NDUFAF7: variants seen among roughly 807,000 people sequenced by gnomAD.
NDUFAF7 encodes NADH:ubiquinone oxidoreductase complex assembly factor 7.
In NDUFAF7, 48 loss-of-function variants were observed where a neutral mutation model predicts 47.2. The observed-to-expected ratio is 1.02, with a 90% CI of 0.81 to 1.29. The LOEUF is 1.29. NDUFAF7 is among the 50% of genes most tolerant of loss of function. NDUFAF7 has a pLI of 0.00. For missense variants in NDUFAF7, 635 were observed against 537.6 expected, an observed-to-expected ratio of 1.18 and a Z score of -1.79; for synonymous variants, 217 against 190.0, an observed-to-expected ratio of 1.14 and a Z score of -1.17.
chr2:37,237,025 T>C (rs1338670893), intron 3 of NDUFAF7, among the ~76,000 whole-genome samples: 1 of 152,090 alleles, frequency 6.6e-6, no homozygotes, highest in East Asian at 1.9e-4. Context: ...GGCTGGAGTG[T>C]AGTGGCGCAA....
downstream of NDUFAF7, chr2:37,254,197 T>A: frequency 6.3e-7 from 1 of 1,598,538 alleles, no homozygotes. Context: ...ATTACATTTT[T>A]TTTTACCTGT....
chr2:37,254,335 G>T (rs1394287362), downstream of NDUFAF7: 7 of 1,473,446 alleles, frequency 4.8e-6, no homozygotes, highest in Non-Finnish European at 4.8e-6. Context: ...GGTGCACAGA[G>T]TACCCCAAAC....
At chr2:37,235,994 A>C in intron 2 of NDUFAF7, 102 bp from the exon 3 acceptor site, 1 of 1,048,174 alleles carries the variant, frequency 9.5e-7, no homozygotes, top group Non-Finnish European at 1.5e-6. Context: ...TTTCTTACTA[A>C]ATAATTATTT....
chr2:37,262,763 C>T, the NDUFAF7 span, among the ~76,000 whole-genome samples: 2 of 152,162 alleles, frequency 1.3e-5, no homozygotes, highest in African/African-American at 4.8e-5. Context: ...TTAACAACTT[C>T]CTCTATTGGT....
At chr2:37,263,202 C>T in the NDUFAF7 span, among the ~76,000 whole-genome samples, 8 of 152,182 alleles carry the variant, frequency 5.3e-5, no homozygotes, top group Non-Finnish European at 7.4e-5. Flanking sequence ...AGTACAAAGG[C>T]GCTGATATAT....
At chr2:37,261,153 C>G in the NDUFAF7 span, among the ~76,000 whole-genome samples, 1 of 152,176 alleles carries the variant, frequency 6.6e-6, no homozygotes, top group Admixed American at 6.5e-5. Flanking sequence ...ATATGTTCTA[C>G]TGAATGAACC....
At chr2:37,254,937 A>G (rs987247164), downstream of NDUFAF7, among the ~76,000 whole-genome samples, 11 of 152,244 alleles carry the variant, frequency 7.2e-5, no homozygotes, top group Non-Finnish European at 1.3e-4. Flanking sequence ...AGAATGATCA[A>G]TTGCAAAACC....
At chr2:37,259,052 G>GGAA in the NDUFAF7 span, among the ~76,000 whole-genome samples, 17,360 of 148,668 alleles carry the variant, frequency 0.12, 1,377 homozygotes, top group East Asian at 0.34. Context: ...TGAACACTTG[G>GGAA]AAAAAAAAAA....
chr2:37,269,472 G>C, the NDUFAF7 span: 1 of 676,444 alleles, frequency 1.5e-6, no homozygotes. Flanking sequence ...CAGTGAGAAG[G>C]ATTTAGCTGA....
Position 37,236,155 on chromosome 2 carries a change from A to T in NDUFAF7, c.276A>T (p.Glu92Asp), listed in dbSNP as rs546961277. The T allele has an allele frequency of 6.2e-6, 10 of 1,611,712 alleles. No homozygotes were observed. The East Asian group carries it at 2.0e-4, about 32-fold the overall frequency. The change falls in exon 3 of 10, where the codon GAA becomes GAT. Residue 92 changes from glutamate to aspartate, a missense_variant. Coordinates refer to ENST00000002125, the MANE Select transcript of NDUFAF7 (RefSeq NM_144736.5). ...AAGGAGATTTCATTACTTCACCTGAAATAAGTCAAATCTTTGGGGAGGTAA... is the reference window on the plus strand; with the variant it reads ...AAGGAGATTTCATTACTTCACCTGATATAAGTCAAATCTTTGGGGAGGTAA... ...GEKGDFITSP[E>D]ISQIFGELLG... is the part of the protein sequence containing the mutation.
At chr2:37,249,631 G>C (rs1473698608), downstream of NDUFAF7, among the ~76,000 whole-genome samples, 2 of 97,516 alleles carry the variant, frequency 2.1e-5, no homozygotes, top group African/African-American at 9.0e-5. Flanking sequence ...TTGCACTGTA[G>C]CCTGTGATAG....
downstream of NDUFAF7, chr2:37,253,496 A>G (rs1346236601): frequency 5.5e-6 from 3 of 541,204 alleles, no homozygotes; most frequent in Non-Finnish European, 9.1e-6. Context: ...CTATGTACTA[A>G]GTTCTACTTG....
chr2:37,247,160 A>G (rs1271300016), intron 8 of NDUFAF7, among the ~76,000 whole-genome samples: 1 of 152,170 alleles, frequency 6.6e-6, no homozygotes, highest in East Asian at 1.9e-4. Flanking sequence ...TTGTCCCTGC[A>G]TTAATTCACT....
At chr2:37,243,285 T>C (rs1399992473) in intron 6 of NDUFAF7, among the ~76,000 whole-genome samples, 1 of 152,154 alleles carries the variant, frequency 6.6e-6, no homozygotes, top group East Asian at 1.9e-4. Flanking sequence ...ACCCTGTGTC[T>C]ACTAAAAATA....
chr2:37,270,173 G>C, the NDUFAF7 span, among the ~76,000 whole-genome samples: 1 of 151,928 alleles, frequency 6.6e-6, no homozygotes. Flanking sequence ...GTTGTGGTGA[G>C]CCAAGACTGT....
chr2:37,256,627 AATTTTTT>A, downstream of NDUFAF7: 24 of 1,247,242 alleles, frequency 1.9e-5, no homozygotes, highest in Admixed American at 6.6e-5. Flanking sequence ...ACATAGCCAA[AATTTTTT>A]TTTTTTTTTT....
the NDUFAF7 span, chr2:37,267,486 T>A: frequency 6.2e-7 from 1 of 1,611,668 alleles, no homozygotes; most frequent in Non-Finnish European, 8.5e-7. Context: ...GGGAATCTCA[T>A]CTTATCAATT....
downstream of NDUFAF7, among the ~76,000 whole-genome samples, chr2:37,255,313 AAC>A (rs1553364155): frequency 2.8e-4 from 8 of 28,104 alleles, no homozygotes; most frequent in African/African-American, 4.1e-4. Context: ...CTTTTGGAAA[AAC>A]AAAAAAGATC....
chr2:37,261,265 T>A, the NDUFAF7 span, among the ~76,000 whole-genome samples: 1 of 151,698 alleles, frequency 6.6e-6, no homozygotes, highest in Non-Finnish European at 1.5e-5. Context: ...GGCAGGTGGA[T>A]CATTTGAGGT....
Sources: gnomAD v4.1 joint callset for allele counts (sites outside exome capture counted in the v4.1 genomes callset) on GRCh38, gnomAD v4.1.1 for gene constraint, MANE v1.5 for transcripts, NCBI Gene and HGNC (gene_info 2026-07-23, HGNC 2026-07-21) for gene names.